ARK2C: variants seen among roughly 807,000 people sequenced by gnomAD.
ARK2C encodes E3 ubiquitin-protein ligase ARK2C.
At chr18:46,453,984 G>GCATCTGTAGTC in the ARK2C span, among the ~76,000 whole-genome samples, 1 of 151,258 alleles carries the variant, frequency 6.6e-6, no homozygotes, top group Non-Finnish European at 1.5e-5. Flanking sequence ...ATGATGGTGT[G>GCATCTGTAGTC]CACCTGTAGT....
the ARK2C span, among the ~76,000 whole-genome samples, chr18:46,367,480 C>T: frequency 6.6e-6 from 1 of 152,038 alleles, no homozygotes; most frequent in East Asian, 1.9e-4. Flanking sequence ...TTCATTTGTG[C>T]CAAAGCCTTG....
the ARK2C span, among the ~76,000 whole-genome samples, chr18:46,354,385 C>T: frequency 6.6e-6 from 1 of 152,224 alleles, no homozygotes; most frequent in Non-Finnish European, 1.5e-5. Context: ...CCCATGCACA[C>T]ACTCAGGCTG....
At chr18:46,366,552 A>G in the ARK2C span, among the ~76,000 whole-genome samples, 1 of 152,188 alleles carries the variant, frequency 6.6e-6, no homozygotes, top group Non-Finnish European at 1.5e-5. Context: ...TTCTGCCCTT[A>G]GTAAATGGCA....
chr18:46,359,240 G>A, the ARK2C span, among the ~76,000 whole-genome samples: 1 of 152,230 alleles, frequency 6.6e-6, no homozygotes, highest in Non-Finnish European at 1.5e-5. Flanking sequence ...CAGGTGGGCT[G>A]TTCCCTGCCT....
chr18:46,403,467 A>G, the ARK2C span, among the ~76,000 whole-genome samples: 99 of 152,220 alleles, frequency 6.5e-4, 3 homozygotes, highest in South Asian at 4.8e-3. Flanking sequence ...CATTACCTAG[A>G]CTACATTTAT....
the ARK2C span, among the ~76,000 whole-genome samples, chr18:46,352,584 C>G: frequency 6.6e-6 from 1 of 152,180 alleles, no homozygotes; most frequent in African/African-American, 2.4e-5. Flanking sequence ...TTGCTCCACC[C>G]TCCCTAGGAT....
chr18:46,433,215 T>A, the ARK2C span: 5 of 1,598,346 alleles, frequency 3.1e-6, no homozygotes, highest in Non-Finnish European at 4.3e-6. Flanking sequence ...GGTCTCAGCA[T>A]CCTCACGCTA....
At chr18:46,392,300 C>A in the ARK2C span, among the ~76,000 whole-genome samples, 1 of 152,222 alleles carries the variant, frequency 6.6e-6, no homozygotes, top group Admixed American at 6.5e-5. Flanking sequence ...GGATGCCCCC[C>A]GCTCCCTGAA....
chr18:46,433,465 C>T, the ARK2C span: 1 of 1,612,554 alleles, frequency 6.2e-7, no homozygotes, highest in Non-Finnish European at 8.5e-7. Context: ...GCAGCAGCAG[C>T]TCCTGGAAGC....
At chr18:46,364,988 T>A in the ARK2C span, among the ~76,000 whole-genome samples, 1 of 152,142 alleles carries the variant, frequency 6.6e-6, no homozygotes, top group South Asian at 2.1e-4. Context: ...GGTCTGTTTC[T>A]CCCTCTGTGA....
the ARK2C span, among the ~76,000 whole-genome samples, chr18:46,357,319 T>C: frequency 2.6e-5 from 4 of 152,168 alleles, no homozygotes; most frequent in African/African-American, 4.8e-5. Context: ...TAGACTGTAG[T>C]GAACAGAGCC....
At chr18:46,458,883 A>G in the ARK2C span, 3 of 152,254 alleles carry the variant, frequency 2.0e-5, no homozygotes, top group Non-Finnish European at 2.9e-5. Flanking sequence ...TGAGTATCAC[A>G]GCGTCCAACT....
the ARK2C span, chr18:46,433,204 A>T: frequency 6.3e-7 from 1 of 1,582,490 alleles, no homozygotes; most frequent in Admixed American, 1.8e-5. Context: ...CCCCTTTCAA[A>T]GGTCTCAGCA....
the ARK2C span, among the ~76,000 whole-genome samples, chr18:46,454,094 G>A: frequency 9.0e-6 from 1 of 111,550 alleles, no homozygotes; most frequent in Non-Finnish European, 1.7e-5. Context: ...GCCTGGGCAA[G>A]AGGGCAAGGC....
At chr18:46,345,207 T>C in the ARK2C span, among the ~76,000 whole-genome samples, 9 of 151,774 alleles carry the variant, frequency 5.9e-5, no homozygotes, top group Non-Finnish European at 1.2e-4. Context: ...CGCTGGAACC[T>C]GAAGAGTCCA....
chr18:46,413,173 T>A, the ARK2C span, among the ~76,000 whole-genome samples: 1 of 152,020 alleles, frequency 6.6e-6, no homozygotes, highest in African/African-American at 2.4e-5. Context: ...CCCTGCCAGG[T>A]CCTCTTCTCT....
the ARK2C span, among the ~76,000 whole-genome samples, chr18:46,401,720 G>A: frequency 2.0e-5 from 3 of 152,230 alleles, no homozygotes. Flanking sequence ...AGCCCCGTGA[G>A]GTTCAGGCTT....
At chr18:46,412,632 C>G in the ARK2C span, among the ~76,000 whole-genome samples, 1 of 152,312 alleles carries the variant, frequency 6.6e-6, no homozygotes, top group East Asian at 1.9e-4. Flanking sequence ...CCTCCCTACT[C>G]CAGTAGCTGG....
chr18:46,406,015 C>A, the ARK2C span, among the ~76,000 whole-genome samples: 4 of 152,054 alleles, frequency 2.6e-5, no homozygotes, highest in Non-Finnish European at 5.9e-5. Flanking sequence ...CGCATACATA[C>A]CCCTGTGTGT....
Sources: gnomAD v4.1 joint callset for allele counts (sites outside exome capture counted in the v4.1 genomes callset) on GRCh38, gnomAD v4.1.1 for gene constraint, MANE v1.5 for transcripts, NCBI Gene and HGNC (gene_info 2026-07-23, HGNC 2026-07-21) for gene names.